Variants in CABLES1 observed in about 807,000 individuals in gnomAD.
The protein encoded by CABLES1 is CDK5 and ABL1 enzyme substrate 1.
In CABLES1, 36 loss-of-function variants were observed where a neutral mutation model predicts 57.8. That is an observed-to-expected ratio of 0.62 (90% CI 0.48 to 0.82). The LOEUF is 0.82. CABLES1 is among the 40% of genes least tolerant of loss of function. The pLI, the probability that CABLES1 is intolerant of heterozygous loss-of-function variation, is 0.00. For synonymous variants in CABLES1, 374 were observed against 363.0 expected (o/e 1.03, Z -0.35); for missense variants, 767 against 836.6 (o/e 0.92, Z 1.03).
In CABLES1 at chr18:23,253,837, C is replaced by G; in HGVS notation, c.1662C>G (p.Leu554=). 6.2e-7 allele frequency: 1 copy of G among 1,614,244 alleles called. No individual in the cohort carries two copies. The highest frequency in any genetic ancestry group is 1.6e-4 in the Middle Eastern group (1 of 6,062). The change falls in exon 9 of 10, where the codon CTC becomes CTG. Residue 554 remains leucine (L), a synonymous_variant. Transcript: ENST00000256925. ...YFEKLALKGK[L]NKQNRKLCAG... ...AAAAGCTCGCCCTCAAGGGGAAACTCAACAAACAGAACCGGAAGCTGTGTG... is the reference window on the plus strand; with the variant it reads ...AAAAGCTCGCCCTCAAGGGGAAACTGAACAAACAGAACCGGAAGCTGTGTG...
intron 2 of CABLES1, among the ~76,000 whole-genome samples, chr18:23,193,381 G>A (rs113455880): frequency 0.078 from 11,891 of 151,956 alleles, 957 homozygotes; most frequent in Admixed American, 0.22. Context: ...TAGTAGAGAC[G>A]GGGTTTCACC....
At chr18:23,216,555 A>C (rs914629638) in intron 4 of CABLES1, among the ~76,000 whole-genome samples, 1 of 152,194 alleles carries the variant, frequency 6.6e-6, no homozygotes, top group Non-Finnish European at 1.5e-5. Context: ...AGTAAAAAAG[A>C]ATCATTGTGA....
intron 1 of CABLES1, chr18:23,156,014 C>A (rs927149765): frequency 1.3e-5 from 20 of 1,570,722 alleles, no homozygotes; most frequent in South Asian, 6.7e-5. Context: ...TTGGCTCCCC[C>A]CTTTGGATGC....
At position 23,258,660 on chromosome 18, in the gene CABLES1, T is replaced by A. The variant is rs1598898296; in HGVS notation, c.*1293T>A. ...ACTCTTGTTGCTTTTTGTATACCTG[T>A]ATGCGTTTGTGTAGACGTGTGTCTC... On this transcript the variant is annotated 3_prime_UTR_variant, in exon 10 of 10. Transcript: ENST00000256925. The A allele has an allele frequency of 6.6e-6, 1 of 152,378 alleles. No individual in the cohort carries two copies. The highest frequency in any genetic ancestry group is 2.1e-4 in the South Asian group (1 of 4,830). 9.4% of individuals were successfully genotyped at this position (152,378 alleles called of 1,614,324 possible). A position where few individuals can be genotyped will look rare whatever the true frequency, so the allele number is the denominator to read the frequency against.
In CABLES1 at chr18:23,234,516, G is replaced by A. The variant is rs145508448; in HGVS notation, c.1089-92G>A. On this transcript the variant is annotated intron_variant, in intron 4 of 9. Coordinates refer to ENST00000256925, the MANE Select transcript of CABLES1 (RefSeq NM_001100619.3). Reference sequence around the variant, plus strand: ...AGGGCTCACCTGGTCATTTTCATCGGTGTGACTGTGTTGTCTCATGGAGTA... The same window carrying A: ...AGGGCTCACCTGGTCATTTTCATCGATGTGACTGTGTTGTCTCATGGAGTA... 2,352 of 923,250 alleles carry A rather than the reference G, an allele frequency of 2.5e-3. 6 individuals carry two copies. The highest frequency in any genetic ancestry group is 3.5e-3 in the Non-Finnish European group (1,998 of 574,394). The allele number at this position is 923,250 out of a possible 1,614,324, so 57.2% of individuals were successfully genotyped here.
At chr18:23,189,802 C>G (rs1301671366) in intron 2 of CABLES1, among the ~76,000 whole-genome samples, 1 of 152,230 alleles carries the variant, frequency 6.6e-6, no homozygotes, top group African/African-American at 2.4e-5. Context: ...ATGGCCTCCC[C>G]CTGGATCTGG....
intron 1 of CABLES1, among the ~76,000 whole-genome samples, chr18:23,179,276 C>T (rs558142194): frequency 6.6e-6 from 1 of 151,952 alleles, no homozygotes; most frequent in Non-Finnish European, 1.5e-5. Context: ...ACAGAGACTC[C>T]GTCTAAAAAA....
chr18:23,154,201 T>G lies in CABLES1; in HGVS notation c.845+17594T>G, dbSNP rs1009606076. ...TGATTGCCAAGTGCTGAAGTCTGAG[T>G]GATCTCACATGTGAAGAAGATGCCT... On this transcript the variant is annotated intron_variant, in intron 1 of 9. Coordinates refer to ENST00000256925, the MANE Select transcript of CABLES1 (RefSeq NM_001100619.3). Among the ~76,000 whole-genome samples, 3 of 152,296 alleles carry G rather than the reference T, an allele frequency of 2.0e-5. No individual in the cohort carries two copies. In the South Asian group the frequency reaches 6.2e-4, roughly 32 times the overall value.
intron 4 of CABLES1, among the ~76,000 whole-genome samples, chr18:23,224,561 CTTT>C (rs777471596): frequency 1.1e-5 from 1 of 89,660 alleles, no homozygotes. Flanking sequence ...AGTCACAGAG[CTTT>C]TTTTTTTTTT....
chr18:23,252,886 G>C (rs2048073615), intron 7 of CABLES1, 74 bp from the exon 8 acceptor site: 1 of 976,786 alleles, frequency 1.0e-6, no homozygotes, highest in African/African-American at 1.6e-5. Context: ...TTGTAAGTTG[G>C]TCGTAGTTGG....
At chr18:23,233,912 C>G (rs2047583540) in intron 4 of CABLES1, among the ~76,000 whole-genome samples, 3 of 152,044 alleles carry the variant, frequency 2.0e-5, no homozygotes. Context: ...GAGGTGGTCT[C>G]ATGCAGCATT....
chr18:23,206,882 C>T (rs747289381), intron 3 of CABLES1, among the ~76,000 whole-genome samples: 5 of 150,524 alleles, frequency 3.3e-5, no homozygotes, highest in Non-Finnish European at 7.4e-5. Context: ...ACAATCATAG[C>T]CCACTGCAGC....
rs192817139 is a variant in CABLES1, at chr18:23,212,725, G to A, written c.1011-1252G>A. Among the ~76,000 whole-genome samples the A allele has an allele frequency of 1.4e-3, 211 of 152,252 alleles. 1 individual carries two copies. The highest frequency in any genetic ancestry group is 5.1e-4 in the Non-Finnish European group (35 of 68,016). On this transcript the variant is annotated intron_variant, in intron 3 of 9. Transcript: ENST00000256925. ...ATGATCAGCAGTGTGGATCACATCC[G>A]TGCCCTCCTGGACGTCTGAATGGGG...
At chr18:23,156,035 T>G in intron 1 of CABLES1, 1 of 1,473,014 alleles carries the variant, frequency 6.8e-7, no homozygotes, top group Non-Finnish European at 9.5e-7. Flanking sequence ...TGACGGTCTT[T>G]GTTGGAAATT....
intron 4 of CABLES1, among the ~76,000 whole-genome samples, chr18:23,219,986 C>T (rs926990379): frequency 1.2e-4 from 19 of 152,088 alleles, no homozygotes; most frequent in Admixed American, 1.1e-3. Context: ...GTGTGGGCCG[C>T]GAGGCTAGGG....
At chr18:23,218,302 T>A (rs1284413020) in intron 4 of CABLES1, among the ~76,000 whole-genome samples, 1 of 143,718 alleles carries the variant, frequency 7.0e-6, no homozygotes, top group African/African-American at 2.6e-5. Context: ...TTGCCCTGCC[T>A]CCCGCATCCT....
At chr18:23,137,540 C>T (rs2144943613) in intron 1 of CABLES1, among the ~76,000 whole-genome samples, 1 of 152,246 alleles carries the variant, frequency 6.6e-6, no homozygotes. Context: ...TAGCATAGAC[C>T]CTACCTTGAC....
At chr18:23,199,203 GAAAAT>G (rs944564623) in intron 3 of CABLES1, among the ~76,000 whole-genome samples, 4 of 152,194 alleles carry the variant, frequency 2.6e-5, no homozygotes, top group East Asian at 3.8e-4. Flanking sequence ...TTGTTAAAAA[GAAAAT>G]AAAGTTGGAA....
intron 4 of CABLES1, among the ~76,000 whole-genome samples, chr18:23,234,191 C>G (rs1322468947): frequency 1.3e-5 from 2 of 152,152 alleles, no homozygotes; most frequent in African/African-American, 4.8e-5. Flanking sequence ...GCATTGCAGC[C>G]TGGGCAACAA....
Sources: gnomAD v4.1 joint callset for allele counts (sites outside exome capture counted in the v4.1 genomes callset) on GRCh38, gnomAD v4.1.1 for gene constraint, MANE v1.5 for transcripts, NCBI Gene and HGNC (gene_info 2026-07-23, HGNC 2026-07-21) for gene names.